Variants in DUSP29 observed in about 807,000 individuals in gnomAD.
The protein encoded by DUSP29 is atypical dual-specific protein phosphatase.
DUSP29 carries 12 observed loss-of-function variants against 13.5 expected under a neutral mutation model. That is an observed-to-expected ratio of 0.89 (90% CI 0.57 to 1.44). DUSP29 has a LOEUF of 1.44. DUSP29 is among the 40% of genes most tolerant of loss of function. DUSP29 has a pLI of 0.00. For missense variants in DUSP29, 308 were observed against 301.1 expected (o/e 1.02, Z -0.17); for synonymous variants, 134 against 128.7 (o/e 1.04, Z -0.28).
intron 1 of DUSP29, among the ~76,000 whole-genome samples, chr10:75,066,958 C>CTTTTTTTTTTTTTT (rs61298475): frequency 7.2e-6 from 1 of 139,588 alleles, no homozygotes. Context: ...TTTTCTTTTT[C>CTTTTTTTTTTTTTT]TTTTTTTTTT....
intron 1 of DUSP29, among the ~76,000 whole-genome samples, chr10:75,061,999 G>A (rs1363000035): frequency 1.3e-5 from 2 of 152,160 alleles, no homozygotes; most frequent in Admixed American, 6.5e-5. Flanking sequence ...GCGCAGGGTG[G>A]GCTGCCCTCC....
intron 1 of DUSP29, among the ~76,000 whole-genome samples, chr10:75,071,026 G>A (rs187318990): frequency 6.6e-6 from 1 of 152,218 alleles, no homozygotes; most frequent in Admixed American, 6.5e-5. Flanking sequence ...TTGGAGTTTA[G>A]GGGTTGAGAG....
At chr10:75,040,904 G>A (rs1846567136) in intron 3 of DUSP29, among the ~76,000 whole-genome samples, 2 of 152,210 alleles carry the variant, frequency 1.3e-5, no homozygotes, top group African/African-American at 2.4e-5. Context: ...CCCAGGGGCT[G>A]ATTACAGCCC....
At position 75,058,847 on chromosome 10, in the gene DUSP29, C is replaced by A. The variant is rs892361953; in HGVS notation, c.-34-299G>T. 1.3e-5 allele frequency among the ~76,000 whole-genome samples: 2 copies of A among 152,198 alleles called. 1 individual carries two copies. The highest frequency in any genetic ancestry group is 4.1e-4 in the South Asian group (2 of 4,828). ...CCTGCAAGCAGCCAGTTCCTTCCCACCTTTCTTTAGACTTTACTCCTTTGG... is the reference window on the plus strand; with the variant it reads ...CCTGCAAGCAGCCAGTTCCTTCCCAACTTTCTTTAGACTTTACTCCTTTGG... On this transcript the variant is annotated intron_variant, in intron 1 of 3. Transcript: ENST00000338487.
chr10:75,068,524 T>C (rs995603554), intron 1 of DUSP29, among the ~76,000 whole-genome samples: 4 of 152,186 alleles, frequency 2.6e-5, no homozygotes, highest in African/African-American at 9.7e-5. Context: ...TATCTGTGCC[T>C]GTGTGTAGAT....
chr10:75,041,776 C>T (rs1442449630), intron 3 of DUSP29, among the ~76,000 whole-genome samples: 4 of 152,204 alleles, frequency 2.6e-5, no homozygotes, highest in Admixed American at 6.5e-5. Context: ...ATCTACTCTC[C>T]TCCGTTGGCC....
At chr10:75,068,420 C>T (rs1028683813) in intron 1 of DUSP29, among the ~76,000 whole-genome samples, 30 of 152,102 alleles carry the variant, frequency 2.0e-4, no homozygotes, top group Admixed American at 5.9e-4. Context: ...GAGGCTGCAG[C>T]GAGCTATGAT....
Position 75,037,740 on chromosome 10 carries a change from C to T in DUSP29, c.*96G>A, listed in dbSNP as rs1846492500. The T allele has an allele frequency of 3.3e-6, 5 of 1,500,554 alleles. No individual in the cohort carries two copies. The highest frequency in any genetic ancestry group is 2.1e-5 in the Admixed American group (1 of 47,692). The allele number at this position is 1,500,554 out of a possible 1,614,324, so 93.0% of individuals were successfully genotyped here. On this transcript the variant is annotated 3_prime_UTR_variant, in exon 4 of 4. Coordinates refer to ENST00000338487, the MANE Select transcript of DUSP29 (RefSeq NM_001003892.3). Reference sequence around the variant, plus strand: ...AAGATGGTTTGGAAGAGTCGAGCTTCGGTTTCACCATCCCTTCTCTGGAGT... The same window carrying T: ...AAGATGGTTTGGAAGAGTCGAGCTTTGGTTTCACCATCCCTTCTCTGGAGT...
At position 75,058,402 on chromosome 10, in the gene DUSP29, G is replaced by C. The variant is rs746874464; in HGVS notation, c.113C>G (p.Ala38Gly). 2.5e-6 allele frequency: 4 copies of C among 1,614,210 alleles called. No individual in the cohort carries two copies. The highest frequency in any genetic ancestry group is 3.4e-6 in the Non-Finnish European group (4 of 1,180,042). ...CCAGAAGAGCCGCTCCAGCTCAAAGGCTCCAGGGGTGCAGTAGTCCTCCTC... is the reference window on the plus strand; with the variant it reads ...CCAGAAGAGCCGCTCCAGCTCAAAGCCTCCAGGGGTGCAGTAGTCCTCCTC... ...GEEEDYCTPG[A>G]FELERLFWKG... Residue 38 changes from alanine (A) to glycine (G), a missense_variant, in exon 2 of 4, where the codon GCC becomes GGC. Transcript: ENST00000338487.
intron 1 of DUSP29, among the ~76,000 whole-genome samples, chr10:75,067,233 T>C (rs751619374): frequency 1.3e-5 from 2 of 152,176 alleles, no homozygotes; most frequent in Non-Finnish European, 2.9e-5. Context: ...GTGCTGGGAT[T>C]ACAGGCGTGA....
rs529847292 is a variant in DUSP29, at chr10:75,039,048, T to C, written c.422-971A>G. On this transcript the variant is annotated intron_variant, in intron 3 of 3. Transcript: ENST00000338487. ...ACCCATCATGCCAGAGCACATCTCT[T>C]ACCATCACAGGGGCCAGCACTATAC... Among the ~76,000 whole-genome samples the C allele has an allele frequency of 5.9e-5, 9 of 152,276 alleles. No homozygotes were observed. The South Asian group carries it at 1.7e-3, about 28-fold the overall frequency.
At chr10:75,069,529 G>A (rs377206911) in intron 1 of DUSP29, among the ~76,000 whole-genome samples, 9 of 152,122 alleles carry the variant, frequency 5.9e-5, no homozygotes, top group Admixed American at 2.0e-4. Flanking sequence ...TGGTCCTGCC[G>A]CTCCACCACT....
At chr10:75,059,093 G>T (rs1031846638) in intron 1 of DUSP29, among the ~76,000 whole-genome samples, 1 of 152,192 alleles carries the variant, frequency 6.6e-6, no homozygotes, top group Non-Finnish European at 1.5e-5. Flanking sequence ...GCCTTGAGAG[G>T]GGAGGAAACC....
At chr10:75,046,555 A>G (rs200520930) in intron 2 of DUSP29, among the ~76,000 whole-genome samples, 2 of 152,208 alleles carry the variant, frequency 1.3e-5, no homozygotes, top group African/African-American at 2.4e-5. Context: ...CATGAGAACC[A>G]TGATGGTGTC....
In DUSP29 at chr10:75,037,505, A is replaced by G. The variant is rs1846488902; in HGVS notation, c.*331T>C. ...AAAGCCAAACGTTTAATCACAACAT[A>G]CTGCCTACACATTTTAAAATCTTTT... is the stretch of plus-strand genomic sequence containing the variant. On this transcript the variant is annotated 3_prime_UTR_variant, in exon 4 of 4. Transcript: ENST00000338487. 6.6e-6 allele frequency among the ~76,000 whole-genome samples: 1 copy of G among 152,228 alleles called. No individual in the cohort carries two copies. Among genetic ancestry groups the G allele is most frequent in the South Asian group, 2.1e-4 (1 of 4,832 alleles).
chr10:75,045,422 G>T (rs1846685676), intron 2 of DUSP29, among the ~76,000 whole-genome samples: 1 of 152,168 alleles, frequency 6.6e-6, no homozygotes, highest in African/African-American at 2.4e-5. Flanking sequence ...GATACTAATG[G>T]GGGTAGGAAA....
At chr10:75,052,828 T>C (rs1264917112) in intron 2 of DUSP29, among the ~76,000 whole-genome samples, 1 of 152,262 alleles carries the variant, frequency 6.6e-6, no homozygotes, top group East Asian at 1.9e-4. Context: ...CTGTGCCAGA[T>C]GGCATTATTG....
At chr10:75,063,123 T>C (rs563267612) in intron 1 of DUSP29, among the ~76,000 whole-genome samples, 52 of 152,050 alleles carry the variant, frequency 3.4e-4, no homozygotes, top group Non-Finnish European at 5.9e-4. Flanking sequence ...TAGGGAGTGG[T>C]GGGGAGTGTG....
intron 1 of DUSP29, among the ~76,000 whole-genome samples, chr10:75,065,292 C>A (rs548812783): frequency 2.0e-5 from 3 of 152,190 alleles, no homozygotes; most frequent in African/African-American, 7.2e-5. Context: ...TAAGTAGAAC[C>A]CTTGAGGCTG....
Sources: allele counts gnomAD v4.1 joint callset (sites outside exome capture counted in the v4.1 genomes callset), GRCh38; gene constraint gnomAD v4.1.1; transcripts MANE v1.5; gene names NCBI Gene and HGNC (gene_info 2026-07-23, HGNC 2026-07-21).